The following PATJ variants were observed in gnomAD, a reference collection of about 807,000 sequenced individuals.
PATJ encodes PATJ crumbs cell polarity complex component.
A neutral mutation model predicts 224.9 loss-of-function variants in PATJ; 190 were observed. That is an observed-to-expected ratio of 0.84 (90% CI 0.75 to 0.95). The LOEUF is 0.95. Ranked by LOEUF, PATJ falls within the 40% of genes least tolerant of loss-of-function variation. The probability of loss-of-function intolerance (pLI) is 0.00; values close to 1 mark genes in which losing one functional copy is unlikely to be tolerated. For synonymous variants in PATJ, 769 were observed against 820.3 expected, an observed-to-expected ratio of 0.94 and a Z score of 1.07; for missense variants, 2,121 against 2,270.3, an observed-to-expected ratio of 0.93 and a Z score of 1.34.
At chr1:61,748,089 C>T (rs908818539) in intron 1 of PATJ, among the ~76,000 whole-genome samples, 2 of 151,898 alleles carry the variant, frequency 1.3e-5, no homozygotes, top group Non-Finnish European at 2.9e-5. Context: ...CCATGTTGCT[C>T]AGGCTGGTCT....
At chr1:61,754,802 G>A (rs945266445) in intron 1 of PATJ, among the ~76,000 whole-genome samples, 6 of 152,042 alleles carry the variant, frequency 3.9e-5, no homozygotes, top group Non-Finnish European at 8.8e-5. Context: ...ATGAGCACCT[G>A]TAGTCCCAGC....
chr1:62,136,892 A>T (rs1264789653), intron 41 of PATJ, among the ~76,000 whole-genome samples: 1 of 152,172 alleles, frequency 6.6e-6, no homozygotes, highest in East Asian at 1.9e-4. Flanking sequence ...CAGATTTGGT[A>T]CTGAAAGGCT....
At chr1:61,743,759 C>G (rs1356787488) in intron 1 of PATJ, among the ~76,000 whole-genome samples, 1 of 152,048 alleles carries the variant, frequency 6.6e-6, no homozygotes, top group East Asian at 1.9e-4. Context: ...CCCCTAATGG[C>G]CTTTAAGATG....
intron 24 of PATJ, among the ~76,000 whole-genome samples, chr1:61,908,040 A>G (rs968862958): frequency 2.0e-5 from 3 of 152,222 alleles, no homozygotes; most frequent in African/African-American, 4.8e-5. Flanking sequence ...TATCCCACTC[A>G]GAATTATGTA....
intron 38 of PATJ, among the ~76,000 whole-genome samples, chr1:62,121,527 C>T (rs531497610): frequency 3.3e-5 from 5 of 151,820 alleles, no homozygotes; most frequent in African/African-American, 9.7e-5. Context: ...CACTTTGGGA[C>T]GGCTGTGGCG....
At chr1:61,789,252 G>T (rs948989237) in intron 8 of PATJ, among the ~76,000 whole-genome samples, 2 of 151,946 alleles carry the variant, frequency 1.3e-5, no homozygotes, top group African/African-American at 4.8e-5. Flanking sequence ...GTTGCAGTGA[G>T]CTGAGATTGC....
chr1:61,969,467 T>C (rs1682633946), intron 27 of PATJ, among the ~76,000 whole-genome samples: 1 of 152,172 alleles, frequency 6.6e-6, no homozygotes, highest in Admixed American at 6.5e-5. Context: ...TGCATTTTTC[T>C]CGTTGATGAA....
chr1:62,074,352 TATA>T (rs937170178), intron 31 of PATJ, among the ~76,000 whole-genome samples: 4 of 151,530 alleles, frequency 2.6e-5, no homozygotes, highest in Non-Finnish European at 4.4e-5. Flanking sequence ...AAACTTAAAG[TATA>T]ATAATAATAA....
chr1:61,792,055 A>G (rs1236188003), intron 9 of PATJ, among the ~76,000 whole-genome samples: 1 of 152,158 alleles, frequency 6.6e-6, no homozygotes, highest in Non-Finnish European at 1.5e-5. Flanking sequence ...AATATTTGCT[A>G]ATAATATGAA....
At position 62,108,525 on chromosome 1, in the gene PATJ, A is replaced by G; in HGVS notation, c.4461+5A>G. 1 of 1,575,526 alleles carries G rather than the reference A, an allele frequency of 6.3e-7. No individual in the cohort carries two copies. Among genetic ancestry groups the G allele is most frequent in the Non-Finnish European group, 8.7e-7 (1 of 1,150,792 alleles). On this transcript the variant is annotated splice_donor_5th_base_variant and intron_variant, in intron 34 of 43. Transcript: ENST00000642238. The stretch of plus-strand genomic sequence containing the variant: ...GCTGGTGACCAGATATTAGAGGTAT[A>G]TGGTTTTGAATTTTATTTTATATCA...
chr1:62,008,576 G>A (rs1230500716), intron 28 of PATJ, among the ~76,000 whole-genome samples: 1 of 148,834 alleles, frequency 6.7e-6, no homozygotes, highest in Non-Finnish European at 1.5e-5. Context: ...GGGTAACATG[G>A]CAAGACCCCG....
intron 1 of PATJ, among the ~76,000 whole-genome samples, chr1:61,743,518 A>C (rs1489563220): frequency 6.6e-6 from 1 of 152,162 alleles, no homozygotes; most frequent in African/African-American, 2.4e-5. Context: ...AGTGTTTCTT[A>C]AAGGAAGGCA....
chr1:62,059,804 CAG>C (rs1324575137), intron 31 of PATJ, among the ~76,000 whole-genome samples: 1 of 151,986 alleles, frequency 6.6e-6, no homozygotes, highest in African/African-American at 2.4e-5. Context: ...GCCATTAGGA[CAG>C]AGAAATATGG....
chr1:61,864,827 T>TG (rs1234439048), intron 20 of PATJ, among the ~76,000 whole-genome samples, 194 bp downstream of exon 20: 5 of 152,314 alleles, frequency 3.3e-5, no homozygotes, highest in Non-Finnish European at 5.9e-5. Context: ...CATCTTCTCA[T>TG]GGGGGTCAAT....
intron 26 of PATJ, among the ~76,000 whole-genome samples, chr1:61,921,259 G>A (rs1571301148): frequency 6.6e-6 from 1 of 152,142 alleles, no homozygotes; most frequent in African/African-American, 2.4e-5. Flanking sequence ...TAAGGAAAGA[G>A]TTTTTGCAAA....
Position 62,116,643 on chromosome 1 carries a change from A to G in PATJ, c.4767A>G (p.Arg1589=), listed in dbSNP as rs2148899368. 5 of 1,613,582 alleles carry G rather than the reference A, an allele frequency of 3.1e-6. No individual in the cohort carries two copies. Among genetic ancestry groups the G allele is most frequent in the Non-Finnish European group, 4.2e-6 (5 of 1,179,842 alleles). Residue 1589 remains arginine, a synonymous_variant, in exon 36 of 44, where the codon AGA becomes AGG. Transcript: ENST00000642238. ...TATCTGTGAATGGGGAGGACATGAG[A>G]AATGCCTCACAGGAGACAGTGGCCA... ...QILSVNGEDM[R]NASQETVATI...
intron 33 of PATJ, among the ~76,000 whole-genome samples, chr1:62,106,062 A>AT (rs1458706423): frequency 0.047 from 1,409 of 29,772 alleles, 91 homozygotes; most frequent in South Asian, 0.11. Flanking sequence ...AAAAAAAAAA[A>AT]AATATATATA....
intron 29 of PATJ, among the ~76,000 whole-genome samples, chr1:62,029,727 C>T (rs1021891047): frequency 3.9e-5 from 6 of 152,128 alleles, no homozygotes; most frequent in Admixed American, 2.6e-4. Context: ...GTGGGTACAG[C>T]GAGAGTTAGT....
At chr1:61,950,048 CA>C (rs945066171) in intron 27 of PATJ, among the ~76,000 whole-genome samples, 118 of 152,232 alleles carry the variant, frequency 7.8e-4, no homozygotes, top group African/African-American at 2.5e-3. Flanking sequence ...ACTGAAAATA[CA>C]AAACATTAGC....
Sources: allele counts gnomAD v4.1 joint callset (sites outside exome capture counted in the v4.1 genomes callset), GRCh38; gene constraint gnomAD v4.1.1; transcripts MANE v1.5; gene names NCBI Gene and HGNC (gene_info 2026-07-23, HGNC 2026-07-21).